Variants in HIRIP3 observed in about 807,000 individuals in gnomAD.
HIRIP3 encodes HIRA-interacting protein 3.
In HIRIP3, 40 loss-of-function variants were observed where a neutral mutation model predicts 50.3. That is an observed-to-expected ratio of 0.79 (90% CI 0.62 to 1.03). The LOEUF is 1.03. Among genes scored for constraint, HIRIP3 ranks in the 50% least tolerant of loss-of-function variants. The pLI is 0.00. For missense variants in HIRIP3, 765 were observed against 705.4 expected (o/e 1.08, Z -0.96); for synonymous variants, 318 against 261.6 (o/e 1.22, Z -2.08).
chr16:29,994,200 C>G lies in HIRIP3; in HGVS notation c.945G>C (p.Arg315Ser). 1 of 1,614,114 alleles carries G rather than the reference C, an allele frequency of 6.2e-7. No homozygotes were observed. Residue 315 changes from arginine (R) to serine (S), a missense_variant, in exon 4 of 7, where the codon AGG becomes AGC. Physicochemically the swap from Arg to Ser is moderately radical, Grantham distance 110 (BLOSUM62 -1). Transcript: ENST00000279392. ...SGRDREPPVQ[R>S]KSEDRTQLKG... is the part of the protein sequence containing the mutation. ...TAAGCTGGGTCCTGTCCTCACTCTT[C>G]CTCTGCACTGGGGGTTCTCTATCTC...
chr16:29,994,987 G>A (rs1351928178), intron 3 of HIRIP3, 116 bp downstream of exon 3: 7 of 1,477,940 alleles, frequency 4.7e-6, no homozygotes, highest in Non-Finnish European at 6.5e-6. Context: ...CCCGGTTCCT[G>A]ACTCACTAGC....
In HIRIP3 at chr16:29,994,452, G is replaced by T; in HGVS notation, c.693C>A (p.Ile231=). The T allele has an allele frequency of 6.2e-7, 1 of 1,613,602 alleles. No homozygotes were observed. The highest frequency in any genetic ancestry group is 8.5e-7 in the Non-Finnish European group (1 of 1,179,830). The change falls in exon 4 of 7, where the codon ATC becomes ATA. Residue 231 remains isoleucine (I), a synonymous_variant. Coordinates refer to ENST00000279392, the MANE Select transcript of HIRIP3 (RefSeq NM_003609.5). The stretch of plus-strand genomic sequence containing the variant: ...CTCTCTGCTCTTTCTTCTGGGCTAG[G>T]ATCTCCTCTTCACTCTCCTGTTCAC... The part of the protein sequence containing the change: ...KESEQESEEE[I]LAQKKEQREE...
At chr16:29,995,308 C>A (rs1228015256) in intron 2 of HIRIP3, 35 bp downstream of exon 2, 7 of 1,609,464 alleles carry the variant, frequency 4.3e-6, no homozygotes, top group Non-Finnish European at 5.9e-6. Flanking sequence ...AGCCCCGCCT[C>A]CGCCTCCCGC....
rs937637691 is a variant in HIRIP3, at chr16:29,994,434, CTCTT to C, written c.707_710del (p.Lys236SerfsTer93). 6.2e-7 allele frequency: 1 copy of C among 1,614,022 alleles called. No individual in the cohort carries two copies. The highest frequency in any genetic ancestry group is 1.3e-5 in the African/African-American group (1 of 75,016). ...CCTCCTCCACTTCCTCCTCTCTCTGCTCTTTCTTCTGGGCTAGGATCTCCTCTTC... is the reference window on the plus strand; with the variant it reads ...CCTCCTCCACTTCCTCCTCTCTCTGCTCTTCTGGGCTAGGATCTCCTCTTC... On this transcript the variant is annotated frameshift_variant, in exon 4 of 7. Transcript: ENST00000279392. LOFTEE classifies it high-confidence loss of function.
At position 29,994,258 on chromosome 16, in the gene HIRIP3, T is replaced by G; in HGVS notation, c.887A>C (p.Lys296Thr). ...LGDSDSEEEQ[K>T]EAASSGDDSG... ...GTCATCCCCACTGCTGGCTGCCTCT[T>G]TCTGCTCTTCCTCGCTGTCTGAGTC... Residue 296 changes from lysine to threonine, a missense_variant, in exon 4 of 7, where the codon AAA becomes ACA. By Grantham distance (78) the Lys-to-Thr change is moderately conservative (BLOSUM62 -1). Coordinates refer to ENST00000279392, the MANE Select transcript of HIRIP3 (RefSeq NM_003609.5). 1 of 1,614,194 alleles carries G rather than the reference T, an allele frequency of 6.2e-7. No homozygotes were observed. Among genetic ancestry groups the G allele is most frequent in the Admixed American group, 1.7e-5 (1 of 60,022 alleles).
chr16:29,995,055 G>C (rs1276212569), intron 3 of HIRIP3, 48 bp downstream of exon 3: 1 of 1,577,890 alleles, frequency 6.3e-7, no homozygotes, highest in Non-Finnish European at 8.7e-7. Flanking sequence ...TGCTTCTTGA[G>C]TGAACCAACG....
rs2069997983 is a variant in HIRIP3 at position 29,992,596 on chromosome 16, C to G, written c.*611G>C. Reference sequence around the variant, plus strand: ...GTGACTGCAGAGGCTGGGCCTGTAGCCAGAGGCCTAGAGGGCTAGGACTGG... The same window carrying G: ...GTGACTGCAGAGGCTGGGCCTGTAGGCAGAGGCCTAGAGGGCTAGGACTGG... On this transcript the variant is annotated 3_prime_UTR_variant, in exon 7 of 7. Coordinates refer to ENST00000279392, the MANE Select transcript of HIRIP3 (RefSeq NM_003609.5). The G allele has an allele frequency of 6.6e-6, 1 of 152,242 alleles. No homozygotes were observed. Among genetic ancestry groups the G allele is most frequent in the Non-Finnish European group, 1.5e-5 (1 of 68,072 alleles). 9.4% of individuals were successfully genotyped at this position (152,242 alleles called of 1,614,324 possible). A position where few individuals can be genotyped will look rare whatever the true frequency, so the allele number is the denominator to read the frequency against.
chr16:29,993,855 C>T (rs905994242), intron 4 of HIRIP3, 47 bp from the exon 5 acceptor site: 2 of 1,608,726 alleles, frequency 1.2e-6, no homozygotes, highest in Admixed American at 3.4e-5. Flanking sequence ...GGGCCTGAGG[C>T]AGGGTCTCCC....
intron 3 of HIRIP3, 23 bp from the exon 4 acceptor site, chr16:29,994,866 G>A (rs565432419): frequency 3.8e-6 from 6 of 1,573,168 alleles, no homozygotes; most frequent in East Asian, 2.2e-5. Flanking sequence ...GAGGAGAGAG[G>A]GTTGAGACAG....
Position 29,995,475 on chromosome 16 carries a change from T to C in HIRIP3, c.66-12A>G, listed in dbSNP as rs150353935. 9.0e-4 allele frequency: 1,448 copies of C among 1,613,730 alleles called. 11 individuals are homozygous for C. The African/African-American group carries it at 0.017, about 19-fold the overall frequency. On this transcript the variant is annotated splice_polypyrimidine_tract_variant and intron_variant, in intron 1 of 6. Coordinates refer to ENST00000279392, the MANE Select transcript of HIRIP3 (RefSeq NM_003609.5). ...AATGCGTAAGCGTGCTGCAGGGACATGGTGTCAGGACGGAGTCCCGACCCA... is the reference window on the plus strand; with the variant it reads ...AATGCGTAAGCGTGCTGCAGGGACACGGTGTCAGGACGGAGTCCCGACCCA...
Position 29,995,094 on chromosome 16 carries a change from A to G in HIRIP3, c.301+9T>C. 1 of 1,612,710 alleles carries G rather than the reference A, an allele frequency of 6.2e-7. No individual in the cohort carries two copies. Among genetic ancestry groups the G allele is most frequent in the South Asian group, 1.1e-5 (1 of 91,070 alleles). On this transcript the variant is annotated intron_variant, in intron 3 of 6. Transcript: ENST00000279392. ...CAGAAGGCCCCCACAGCAGGGAGGAAGCACTAACCCGACTCTGAATTGAAG... is the reference window on the plus strand; with the variant it reads ...CAGAAGGCCCCCACAGCAGGGAGGAGGCACTAACCCGACTCTGAATTGAAG...
chr16:29,993,889 C>CA lies in HIRIP3; in HGVS notation c.1239+16_1239+17insT. On this transcript the variant is annotated intron_variant, in intron 4 of 6. Coordinates refer to ENST00000279392, the MANE Select transcript of HIRIP3 (RefSeq NM_003609.5). ...CCTCTTCCCTAATAGTGGCCTCCCA[C>CA]CCCTCCTCACCCTCACCTTCCCTCC... 1 of 1,583,950 alleles carries CA rather than the reference C, an allele frequency of 6.3e-7. No homozygotes were observed. Among genetic ancestry groups the CA allele is most frequent in the Non-Finnish European group, 8.6e-7 (1 of 1,162,998 alleles).
chr16:29,993,386 A>G lies in HIRIP3; in HGVS notation c.1508-16T>C, dbSNP rs2070010517. 7 of 1,565,496 alleles carry G rather than the reference A, an allele frequency of 4.5e-6. No individual in the cohort carries two copies. The highest frequency in any genetic ancestry group is 6.1e-6 in the Non-Finnish European group (7 of 1,151,466). On this transcript the variant is annotated splice_polypyrimidine_tract_variant and intron_variant, in intron 6 of 6. Coordinates refer to ENST00000279392, the MANE Select transcript of HIRIP3 (RefSeq NM_003609.5). ...CGTGGCCGGCCTAGGGGAAAGGGGA[A>G]ACGAGAGATCAGATGTCTGAGAAGG... is the stretch of plus-strand genomic sequence containing the variant.
intron 3 of HIRIP3, 67 bp downstream of exon 3, chr16:29,995,036 C>G (rs1265795512): frequency 6.6e-7 from 1 of 1,526,024 alleles, no homozygotes; most frequent in African/African-American, 1.4e-5. Context: ...ATAAGAGATG[C>G]GCAGTGAATG....
upstream of HIRIP3, chr16:29,995,863 C>A (rs1021221379): frequency 1.0e-5 from 6 of 590,896 alleles, no homozygotes; most frequent in African/African-American, 3.7e-5. Flanking sequence ...AATTCGGCGC[C>A]GGCACCCTTT....
chr16:29,995,715 G>T, upstream of HIRIP3: 1 of 1,401,050 alleles, frequency 7.1e-7, no homozygotes, highest in South Asian at 1.3e-5. Context: ...TGGGGCGAGG[G>T]ACCGTTGGCC....
rs139509453 is a variant in HIRIP3 at position 29,994,837 on chromosome 16, C to A, written c.308G>T (p.Gly103Val). ...GTAGTCTGGGCTGGAGGCTTCAGAG[C>A]CGGACTCTGGAATATGGAGAGGAGA... is the stretch of plus-strand genomic sequence containing the variant. ...RFRFNSESES[G>V]SEASSPDYFG... The change falls in exon 4 of 7, where the codon GGC (glycine) becomes GTC (valine). Residue 103 changes from glycine (G) to valine (V), a missense_variant. Transcript: ENST00000279392. 2 of 1,604,876 alleles carry A rather than the reference C, an allele frequency of 1.2e-6. No homozygotes were observed. Among genetic ancestry groups the A allele is most frequent in the African/African-American group, 2.7e-5 (2 of 74,642 alleles).
Position 29,995,580 on chromosome 16 carries a change from T to C in HIRIP3, c.26A>G (p.Glu9Gly). MAREKEMQEFTRSFFRGRP... is the reference protein window; with the variant it reads MAREKEMQGFTRSFFRGRP... ...GCCTCGGAAGAAGCTACGGGTGAAC[T>C]CCTGCATCTCCTTCTCCCGCGCCAT... is the stretch of plus-strand genomic sequence containing the variant. Residue 9 changes from glutamate to glycine, a missense_variant, in exon 1 of 7, where the codon GAG becomes GGG. Transcript: ENST00000279392. The C allele has an allele frequency of 6.2e-7, 1 of 1,612,422 alleles. No individual in the cohort carries two copies. Among genetic ancestry groups the C allele is most frequent in the South Asian group, 1.1e-5 (1 of 91,008 alleles).
In HIRIP3 at chr16:29,993,358, CTGCG is replaced by C; in HGVS notation, c.1516_1519del (p.Arg506AspfsTer8). 6.4e-7 allele frequency: 1 copy of C among 1,552,204 alleles called. No individual in the cohort carries two copies. The highest frequency in any genetic ancestry group is 1.2e-5 in the South Asian group (1 of 82,560). ...TCCTAAAGGGTTCCAGGCTGTACGT[CTGCG>C]TGGCCGGCCTAGGGGAAAGGGGAAA... is the stretch of plus-strand genomic sequence containing the variant. On this transcript the variant is annotated frameshift_variant, in exon 7 of 7. Transcript: ENST00000279392. LOFTEE classifies it high-confidence loss of function.
Sources: gnomAD v4.1 joint callset for allele counts on GRCh38, gnomAD v4.1.1 for gene constraint, MANE v1.5 for transcripts, NCBI Gene and HGNC (gene_info 2026-07-23, HGNC 2026-07-21) for gene names.